SULT2B1: variants seen among roughly 807,000 people sequenced by gnomAD.
SULT2B1 encodes sulfotransferase family 2B member 1, also known as sulfotransferase 2B1.
SULT2B1 carries 16 observed loss-of-function variants against 33.2 expected under a neutral mutation model. The ratio of observed to expected loss-of-function variants is 0.48; its 90% confidence interval spans 0.33 to 0.73. SULT2B1 has a LOEUF of 0.73. Ranked by LOEUF, SULT2B1 falls within the 30% of genes least tolerant of loss-of-function variation. SULT2B1 has a pLI of 0.02. For missense variants in SULT2B1, 500 were observed against 506.0 expected, an observed-to-expected ratio of 0.99 and a Z score of 0.11; for synonymous variants, 186 against 200.5, an observed-to-expected ratio of 0.93 and a Z score of 0.61.
chr19:48,557,639 G>A (rs545447259), intron 1 of SULT2B1, among the ~76,000 whole-genome samples: 4 of 151,922 alleles, frequency 2.6e-5, no homozygotes, highest in Non-Finnish European at 4.4e-5. Flanking sequence ...GTAAGAGGCC[G>A]GGCACGGTGG....
In SULT2B1 at chr19:48,564,551, CAAAAAAAAAAA is replaced by C. The variant is rs770217698; in HGVS notation, c.72-11376_72-11366del. The stretch of plus-strand genomic sequence containing the variant: ...TGGGCAACAGAGCGAGACTCCGTCT[CAAAAAAAAAAA>C]AAAAAAAAAAAAAGAAAGAAAAAAA... On this transcript the variant is annotated intron_variant, in intron 1 of 6. Transcript: ENST00000201586. Among the ~76,000 whole-genome samples the C allele has an allele frequency of 5.2e-5, 3 of 57,646 alleles. No homozygotes were observed. The South Asian group carries it at 2.2e-3, about 42-fold the overall frequency. The allele number at this position is 57,646 out of a possible 152,430, so 37.8% of individuals were successfully genotyped here. A position where few individuals can be genotyped will look rare whatever the true frequency, so the allele number is the denominator to read the frequency against.
intron 1 of SULT2B1, among the ~76,000 whole-genome samples, chr19:48,556,798 A>T (rs958317164): frequency 2.0e-5 from 3 of 151,768 alleles, no homozygotes; most frequent in African/African-American, 7.3e-5. Flanking sequence ...TAAAAATAAA[A>T]AAATTAGCCA....
At chr19:48,577,382 T>TTTTTC (rs1163610936) in intron 2 of SULT2B1, among the ~76,000 whole-genome samples, 1 of 132,442 alleles carries the variant, frequency 7.6e-6, no homozygotes, top group Non-Finnish European at 1.6e-5. Context: ...TTTTTTTTTT[T>TTTTTC]AGAGACAGAG....
chr19:48,557,654 C>T (rs772295369), intron 1 of SULT2B1, among the ~76,000 whole-genome samples: 12 of 149,556 alleles, frequency 8.0e-5, no homozygotes, highest in African/African-American at 1.5e-4. Flanking sequence ...CGGTGGCTCA[C>T]GCCTGTAATC....
intron 3 of SULT2B1, among the ~76,000 whole-genome samples, chr19:48,588,605 CAT>C (rs1568412355): frequency 6.8e-6 from 1 of 146,756 alleles, no homozygotes; most frequent in Non-Finnish European, 1.5e-5. Context: ...ATATGTTTAA[CAT>C]ATAATAACAT....
At chr19:48,558,029 A>G (rs1022955598) in intron 1 of SULT2B1, among the ~76,000 whole-genome samples, 1 of 152,350 alleles carries the variant, frequency 6.6e-6, no homozygotes, top group South Asian at 2.1e-4. Flanking sequence ...TGACAAGCCC[A>G]GGATGTTATA....
At chr19:48,568,979 G>A (rs1973281081) in intron 1 of SULT2B1, among the ~76,000 whole-genome samples, 1 of 152,082 alleles carries the variant, frequency 6.6e-6, no homozygotes. Context: ...TTCCCAGAGG[G>A]GCCTCCCTGA....
chr19:48,589,043 C>T (rs1433459735), intron 3 of SULT2B1, among the ~76,000 whole-genome samples: 3 of 152,152 alleles, frequency 2.0e-5, no homozygotes, highest in Non-Finnish European at 4.4e-5. Flanking sequence ...GGAGCCCGAG[C>T]GGGCTTAGGC....
At position 48,552,393 on chromosome 19, in the gene SULT2B1, C is replaced by T; in HGVS notation, c.71+70C>T. On this transcript the variant is annotated intron_variant, in intron 1 of 6. Coordinates refer to ENST00000201586, the MANE Select transcript of SULT2B1 (RefSeq NM_177973.2). This position sits in a 1 kb window ranked among gnomAD's most constrained non-coding sequence, Gnocchi z 4.8. Reference sequence around the variant, plus strand: ...GGTGGCTGTTTGGGGGAGCCGGGGACTGTGGCAAGGGTGGCCTCCAGCCAC... The same window carrying T: ...GGTGGCTGTTTGGGGGAGCCGGGGATTGTGGCAAGGGTGGCCTCCAGCCAC... 2 of 1,549,408 alleles carry T rather than the reference C, an allele frequency of 1.3e-6. No individual in the cohort carries two copies. The highest frequency in any genetic ancestry group is 1.8e-6 in the Non-Finnish European group (2 of 1,137,310).
chr19:48,565,365 T>TGA (rs775030717), intron 1 of SULT2B1, among the ~76,000 whole-genome samples: 7 of 151,688 alleles, frequency 4.6e-5, no homozygotes, highest in Admixed American at 1.3e-4. Context: ...TGTGTATGTG[T>TGA]GAGAGAGAGA....
chr19:48,561,570 C>T (rs374458447), intron 1 of SULT2B1, among the ~76,000 whole-genome samples: 12 of 152,078 alleles, frequency 7.9e-5, no homozygotes, highest in South Asian at 2.1e-4. Context: ...GAGCCCCAGG[C>T]GACAGGCGTC....
chr19:48,562,045 T>A (rs1973189557), intron 1 of SULT2B1, among the ~76,000 whole-genome samples: 1 of 151,060 alleles, frequency 6.6e-6, no homozygotes, highest in Non-Finnish European at 1.5e-5. Flanking sequence ...AGATCAGGAG[T>A]TTTGAGATCA....
intron 2 of SULT2B1, among the ~76,000 whole-genome samples, chr19:48,581,333 C>T (rs1395158454): frequency 1.3e-5 from 2 of 151,524 alleles, no homozygotes; most frequent in African/African-American, 2.4e-5. Flanking sequence ...CATGAGCCAC[C>T]GCACCTGGCC....
Position 48,591,640 on chromosome 19 carries a change from T to C in SULT2B1, c.455T>C (p.Val152Ala), listed in dbSNP as rs745691806. The C allele has an allele frequency of 6.8e-6, 11 of 1,613,324 alleles. No individual in the cohort carries two copies. The highest frequency in any genetic ancestry group is 1.1e-5 in the South Asian group (1 of 91,058). The stretch of plus-strand genomic sequence containing the variant: ...TACATGGGCCGCAACCCCCGGGACG[T>C]TGTGGTCTCCCTCTATCATTACTCC... ...VIYMGRNPRD[V>A]VVSLYHYSKI... The change falls in exon 4 of 7, where the codon GTT (valine) becomes GCT (alanine). Residue 152 changes from valine (V) to alanine (A), a missense_variant. Val to Ala is a moderately conservative substitution (Grantham distance 64, BLOSUM62 0). Transcript: ENST00000201586.
chr19:48,552,453 G>GGGGCT lies in SULT2B1; in HGVS notation c.71+144_71+148dup. The stretch of plus-strand genomic sequence containing the variant: ...CAGGCCTGGCCCAGACTTAGCTGGA[G>GGGGCT]GGGCTGGGCTGGGCTGGGGCATCCA... On this transcript the variant is annotated intron_variant, in intron 1 of 6. Transcript: ENST00000201586. This position sits in a 1 kb window ranked among gnomAD's most constrained non-coding sequence, Gnocchi z 4.8. The GGGGCT allele has an allele frequency of 1.0e-6, 1 of 975,730 alleles. No homozygotes were observed. The highest frequency in any genetic ancestry group is 1.5e-6 in the Non-Finnish European group (1 of 651,178). 60.4% of individuals were successfully genotyped at this position (975,730 alleles called of 1,614,324 possible).
intron 3 of SULT2B1, among the ~76,000 whole-genome samples, chr19:48,589,157 T>A (rs1973609870): frequency 6.6e-6 from 1 of 151,958 alleles, no homozygotes; most frequent in African/African-American, 2.4e-5. Flanking sequence ...GAGGGGACGG[T>A]GGCTGGACTA....
chr19:48,559,980 A>G (rs1973154124), intron 1 of SULT2B1, among the ~76,000 whole-genome samples: 1 of 151,702 alleles, frequency 6.6e-6, no homozygotes, highest in Non-Finnish European at 1.5e-5. Flanking sequence ...AAAAAAAATT[A>G]AAAAGAAAAG....
At chr19:48,563,473 T>A (rs55940596) in intron 1 of SULT2B1, among the ~76,000 whole-genome samples, 15,222 of 152,144 alleles carry the variant, frequency 0.1, 912 homozygotes, top group Non-Finnish European at 0.14. Flanking sequence ...CAGCCGCAAA[T>A]GGGAACAAGC....
intron 3 of SULT2B1, among the ~76,000 whole-genome samples, chr19:48,590,284 T>C (rs1973627388): frequency 6.6e-6 from 1 of 151,428 alleles, no homozygotes; most frequent in Non-Finnish European, 1.5e-5. Context: ...CCACAGTGCC[T>C]GGCCGACAAG....
Sources: gnomAD v4.1 joint callset for allele counts (sites outside exome capture counted in the v4.1 genomes callset) on GRCh38, gnomAD v4.1.1 for gene constraint, Gnocchi (gnomAD v3.1) non-coding constraint, MANE v1.5 for transcripts, NCBI Gene and HGNC (gene_info 2026-07-23, HGNC 2026-07-21) for gene names.